The following CHST12 variants were observed in gnomAD, a reference collection of about 807,000 sequenced individuals.
CHST12 encodes the protein carbohydrate sulfotransferase 12, also known as carbohydrate (chondroitin 4) sulfotransferase 12.
In CHST12, 23 loss-of-function variants were observed where a neutral mutation model predicts 27.9. That is an observed-to-expected ratio of 0.82 (90% CI 0.59 to 1.17). The LOEUF (loss-of-function observed/expected upper bound fraction) is 1.17. Among genes scored for constraint, CHST12 ranks in the 50% most tolerant of loss-of-function variants. CHST12 has a pLI of 0.00. For synonymous variants in CHST12, 322 were observed against 273.0 expected (o/e 1.18, Z -1.77); for missense variants, 682 against 603.0 (o/e 1.13, Z -1.37).
chr7:2,417,952 C>A (rs575182983), intron 1 of CHST12, among the ~76,000 whole-genome samples: 1 of 152,248 alleles, frequency 6.6e-6, no homozygotes, highest in African/African-American at 2.4e-5. Flanking sequence ...GGAAAATGCG[C>A]TTCTGGGGGG....
Position 2,443,028 on chromosome 7 carries a change from TCTC to T in CHST12, c.*9147_*9149del, listed in dbSNP as rs1382568924. On this transcript the variant is annotated 3_prime_UTR_variant, in exon 2 of 2. Transcript: ENST00000618655. ...CCCCTGCTTCCTGGGTTCAAGTGGT[TCTC>T]CTGCCTCAGCCTCCCAAGTAGCTGG... 1 of 151,920 alleles carries T rather than the reference TCTC, an allele frequency of 6.6e-6. No individual in the cohort carries two copies. The highest frequency in any genetic ancestry group is 2.4e-5 in the African/African-American group (1 of 41,352). The allele number at this position is 151,920 out of a possible 1,614,324, so 9.4% of individuals were successfully genotyped here.
intron 1 of CHST12, among the ~76,000 whole-genome samples, chr7:2,408,267 C>T (rs1219269543): frequency 1.3e-5 from 2 of 148,306 alleles, no homozygotes; most frequent in East Asian, 4.0e-4. Context: ...GAGGCTGAGA[C>T]AGGAGAATTG....
At position 2,422,369 on chromosome 7, in the gene CHST12, C is replaced by T. The variant is rs573502968; in HGVS notation, c.-77-10194C>T. On this transcript the variant is annotated intron_variant, in intron 1 of 1. Transcript: ENST00000618655. ...AAGCGATTCTCCTGCCTCAGCCTCCCGAGTAGCTGGGATTACAGGCATGTG... is the reference window on the plus strand; with the variant it reads ...AAGCGATTCTCCTGCCTCAGCCTCCTGAGTAGCTGGGATTACAGGCATGTG... Among the ~76,000 whole-genome samples the T allele has an allele frequency of 4.6e-5, 7 of 151,950 alleles. No individual in the cohort carries two copies. The South Asian group carries it at 1.0e-3, about 23-fold the overall frequency.
intron 1 of CHST12, among the ~76,000 whole-genome samples, chr7:2,420,389 A>G (rs897807213): frequency 2.0e-5 from 3 of 152,214 alleles, no homozygotes. Context: ...ATATTCTACT[A>G]CATGGGTTGA....
intron 1 of CHST12, among the ~76,000 whole-genome samples, chr7:2,406,333 G>C (rs930102830): frequency 5.0e-4 from 74 of 149,050 alleles, no homozygotes; most frequent in African/African-American, 1.8e-3. Context: ...AGATATTTCA[G>C]AGAAGAATGG....
At chr7:2,416,980 T>G (rs1197578928) in intron 1 of CHST12, among the ~76,000 whole-genome samples, 1 of 152,224 alleles carries the variant, frequency 6.6e-6, no homozygotes, top group Non-Finnish European at 1.5e-5. Context: ...TTGCGTAACT[T>G]GGTTGTTAAG....
At chr7:2,407,009 G>A (rs758646636) in intron 1 of CHST12, among the ~76,000 whole-genome samples, 16 of 150,496 alleles carry the variant, frequency 1.1e-4, no homozygotes, top group Non-Finnish European at 1.6e-4. Context: ...AGGAGTATTC[G>A]AATATCCAAA....
intron 1 of CHST12, among the ~76,000 whole-genome samples, chr7:2,406,986 A>G (rs899113801): frequency 6.6e-6 from 1 of 152,160 alleles, no homozygotes; most frequent in Admixed American, 6.6e-5. Flanking sequence ...AGCTCTAAAA[A>G]AAAGCCACCA....
At chr7:2,417,320 G>T (rs934345174) in intron 1 of CHST12, among the ~76,000 whole-genome samples, 5 of 151,100 alleles carry the variant, frequency 3.3e-5, no homozygotes, top group African/African-American at 1.2e-4. Flanking sequence ...TGCTTCCTGG[G>T]TTCAAGCAAT....
intron 1 of CHST12, among the ~76,000 whole-genome samples, chr7:2,404,478 A>G (rs888243479): frequency 7.9e-5 from 12 of 152,354 alleles, no homozygotes; most frequent in African/African-American, 2.9e-4. Context: ...GTGAATAGGA[A>G]TGTGAGTTGC....
At chr7:2,413,701 T>G (rs1001998072) in intron 1 of CHST12, among the ~76,000 whole-genome samples, 2 of 151,084 alleles carry the variant, frequency 1.3e-5, no homozygotes, top group African/African-American at 4.9e-5. Flanking sequence ...TGATGTACAT[T>G]GGGGTTGTTT....
chr7:2,419,440 C>T (rs1331961906), intron 1 of CHST12, among the ~76,000 whole-genome samples: 1 of 149,342 alleles, frequency 6.7e-6, no homozygotes, highest in Admixed American at 6.7e-5. Flanking sequence ...GGCATAGTGG[C>T]TTACGCCTGT....
chr7:2,440,270 A>G lies in CHST12; in HGVS notation c.*6386A>G, dbSNP rs1187531460. The G allele has an allele frequency of 1.9e-5, 3 of 154,410 alleles. No individual in the cohort carries two copies. Among genetic ancestry groups the G allele is most frequent in the Non-Finnish European group, 4.4e-5 (3 of 68,224 alleles). The allele number at this position is 154,410 out of a possible 1,614,324, so 9.6% of individuals were successfully genotyped here. A position where few individuals can be genotyped will look rare whatever the true frequency, so the allele number is the denominator to read the frequency against. On this transcript the variant is annotated 3_prime_UTR_variant, in exon 2 of 2. Coordinates refer to ENST00000618655, the MANE Select transcript of CHST12 (RefSeq NM_018641.5). ...TGACAGTGATAAACGAACACAGCCT[A>G]TCTGGGTGTTTTTTGCACTTATAGT...
intron 1 of CHST12, among the ~76,000 whole-genome samples, chr7:2,413,244 C>T (rs1279086624): frequency 1.3e-5 from 2 of 152,210 alleles, no homozygotes; most frequent in East Asian, 3.8e-4. Context: ...CGTGTCTGTG[C>T]GGAACTCTGC....
In CHST12 at chr7:2,433,332, G is replaced by C. The variant is rs749058028; in HGVS notation, c.693G>C (p.Met231Ile). 5.6e-6 allele frequency: 9 copies of C among 1,612,746 alleles called. No homozygotes were observed. The South Asian group carries it at 9.9e-5, about 18-fold the overall frequency. ...ACGGGAAGCTCTCCCGCCACCTCAT[G>C]AAGGTCAAGCTCAAGAAGTACACCA... ...RRYGKLSRHL[M>I]KVKLKKYTKF... Residue 231 changes from methionine (M) to isoleucine (I), a missense_variant, in exon 2 of 2, where the codon ATG becomes ATC. Physicochemically the swap from Met to Ile is conservative, Grantham distance 10. Transcript: ENST00000618655. This position sits in a 1 kb window ranked among gnomAD's most constrained non-coding sequence, Gnocchi z 6.1.
Position 2,433,377 on chromosome 7 carries a change from C to T in CHST12, c.738C>T (p.Asp246=), listed in dbSNP as rs759986263. The T allele has an allele frequency of 1.2e-6, 2 of 1,610,388 alleles. No homozygotes were observed. Among genetic ancestry groups the T allele is most frequent in the Non-Finnish European group, 1.7e-6 (2 of 1,179,946 alleles). ...ACACCAAGTTCCTCTTCGTGCGCGA[C>T]CCCTTCGTGCGCCTGATCTCCGCCT... ...KKYTKFLFVR[D]PFVRLISAFR... Residue 246 remains aspartate (D), a synonymous_variant, in exon 2 of 2, where the codon GAC becomes GAT. Transcript: ENST00000618655. This position sits in a 1 kb window ranked among gnomAD's most constrained non-coding sequence, Gnocchi z 6.1.
At chr7:2,427,966 G>A (rs1026642704) in intron 1 of CHST12, among the ~76,000 whole-genome samples, 2 of 151,052 alleles carry the variant, frequency 1.3e-5, no homozygotes, top group African/African-American at 4.9e-5. Flanking sequence ...ACAGGCACCC[G>A]TCACCATGGC....
chr7:2,434,594 A>G lies in CHST12; in HGVS notation c.*710A>G, dbSNP rs1782425389. On this transcript the variant is annotated 3_prime_UTR_variant, in exon 2 of 2. Transcript: ENST00000618655. ...CTGTCTCTACTAAAAAAAAAAAAAA[A>G]AAAAAAAAAAAAAAAAAAAAAATGA... is the stretch of plus-strand genomic sequence containing the variant. 1 of 146,872 alleles carries G rather than the reference A, an allele frequency of 6.8e-6. No individual in the cohort carries two copies. The allele number at this position is 146,872 out of a possible 1,614,324, so 9.1% of individuals were successfully genotyped here.
At chr7:2,417,226 CTTTT>C (rs1210382918) in intron 1 of CHST12, among the ~76,000 whole-genome samples, 5 of 139,076 alleles carry the variant, frequency 3.6e-5, no homozygotes, top group African/African-American at 2.6e-5. Context: ...CTTACTCTAC[CTTTT>C]TTTTTTTTTT....
Sources: allele counts gnomAD v4.1 joint callset (sites outside exome capture counted in the v4.1 genomes callset), GRCh38; gene constraint gnomAD v4.1.1; non-coding constraint Gnocchi (gnomAD v3.1); transcripts MANE v1.5; gene names NCBI Gene and HGNC (gene_info 2026-07-23, HGNC 2026-07-21).